TTC7A: variants seen among roughly 807,000 people sequenced by gnomAD.
TTC7A encodes tetratricopeptide repeat protein 7A.
A neutral mutation model predicts 103.7 loss-of-function variants in TTC7A; 110 were observed. The observed-to-expected ratio is 1.06, with a 90% CI of 0.91 to 1.24. The LOEUF is 1.24. Ranked by LOEUF, TTC7A falls within the 50% of genes most tolerant of loss-of-function variation. The probability of loss-of-function intolerance (pLI) is 0.00; values close to 1 mark genes in which losing one functional copy is unlikely to be tolerated. For synonymous variants in TTC7A, 521 were observed against 467.9 expected (o/e 1.11, Z -1.47); for missense variants, 1,340 against 1,116.3 (o/e 1.20, Z -2.86).
intron 2 of TTC7A, among the ~76,000 whole-genome samples, chr2:46,930,789 C>T (rs932520038): frequency 6.6e-6 from 1 of 152,030 alleles, no homozygotes; most frequent in African/African-American, 2.4e-5. Flanking sequence ...CGTGAGCCAC[C>T]GCACCCAGCC....
chr2:47,011,499 T>A, intron 11 of TTC7A, 64 bp downstream of exon 11: 1 of 1,335,632 alleles, frequency 7.5e-7, no homozygotes, highest in South Asian at 1.3e-5. Flanking sequence ...CAGCTGGCTG[T>A]GCACGTCTTG....
chr2:47,057,115 T>A (rs1683387807), intron 18 of TTC7A, among the ~76,000 whole-genome samples: 2 of 152,218 alleles, frequency 1.3e-5, no homozygotes, highest in African/African-American at 2.4e-5. Flanking sequence ...TAGCAAAGCG[T>A]CGAGCAGGAG....
intron 15 of TTC7A, among the ~76,000 whole-genome samples, chr2:47,043,133 T>C (rs1681943797): frequency 6.6e-6 from 1 of 152,242 alleles, no homozygotes; most frequent in South Asian, 2.1e-4. Flanking sequence ...CAGCTACCCG[T>C]TGCAGTGGAC....
chr2:47,038,122 G>C (rs182305963), intron 15 of TTC7A, among the ~76,000 whole-genome samples: 2 of 152,226 alleles, frequency 1.3e-5, no homozygotes, highest in East Asian at 3.9e-4. Flanking sequence ...AGCCAGGCGT[G>C]GTGGCGCATG....
intron 19 of TTC7A, chr2:47,068,084 G>A (rs1019105747): frequency 7.9e-5 from 12 of 152,394 alleles, no homozygotes; most frequent in African/African-American, 2.9e-4. Flanking sequence ...GAGATACCTT[G>A]GGTAATCTGT....
At chr2:47,026,516 G>A (rs1282474369) in intron 14 of TTC7A, among the ~76,000 whole-genome samples, 1 of 152,226 alleles carries the variant, frequency 6.6e-6, no homozygotes, top group Non-Finnish European at 1.5e-5. Context: ...AAGGGTGGAA[G>A]GCTGGGTCTG....
intron 19 of TTC7A, among the ~76,000 whole-genome samples, chr2:47,062,572 G>A (rs1191821387): frequency 6.6e-6 from 1 of 152,194 alleles, no homozygotes; most frequent in Non-Finnish European, 1.5e-5. Flanking sequence ...GGGAGGGAGG[G>A]TGTGGGCTAT....
intron 10 of TTC7A, among the ~76,000 whole-genome samples, chr2:47,010,331 C>T (rs1677906319): frequency 6.6e-6 from 1 of 152,166 alleles, no homozygotes; most frequent in Non-Finnish European, 1.5e-5. Flanking sequence ...TCCAGTAAAA[C>T]TTTATTTACA....
At chr2:47,021,301 G>A (rs747454882) in intron 11 of TTC7A, among the ~76,000 whole-genome samples, 2 of 152,312 alleles carry the variant, frequency 1.3e-5, no homozygotes, top group Non-Finnish European at 2.9e-5. Flanking sequence ...CACCTTGTGC[G>A]TGCCCCTCTC....
intron 19 of TTC7A, among the ~76,000 whole-genome samples, chr2:47,069,513 A>G (rs1245721149): frequency 6.6e-6 from 1 of 151,838 alleles, no homozygotes. Context: ...GGGTGAACAC[A>G]TCCCACCCCA....
intron 3 of TTC7A, among the ~76,000 whole-genome samples, chr2:46,964,077 T>C (rs1672619629): frequency 6.6e-6 from 1 of 152,212 alleles, no homozygotes; most frequent in Non-Finnish European, 1.5e-5. Flanking sequence ...ACACCAGTAG[T>C]TGCAGGGTCA....
At chr2:47,016,558 C>G (rs1372439649) in intron 11 of TTC7A, among the ~76,000 whole-genome samples, 1 of 152,168 alleles carries the variant, frequency 6.6e-6, no homozygotes, top group African/African-American at 2.4e-5. Flanking sequence ...CATGGCTGCC[C>G]TAGATAAACA....
chr2:46,957,553 C>A (rs1173569496), intron 3 of TTC7A, among the ~76,000 whole-genome samples: 1 of 152,196 alleles, frequency 6.6e-6, no homozygotes, highest in African/African-American at 2.4e-5. Context: ...CAGGTCAGAA[C>A]CAGTTCCTGG....
upstream of TTC7A, among the ~76,000 whole-genome samples, chr2:46,937,912 G>GA (rs1670061399): frequency 6.6e-6 from 1 of 152,118 alleles, no homozygotes; most frequent in African/African-American, 2.4e-5. The surrounding 1 kb of genome is among the most constrained non-coding windows in gnomAD (Gnocchi z 4.0). Flanking sequence ...ATGGACTGAA[G>GA]AAAACTACTG....
intron 12 of TTC7A, 134 bp from the exon 13 acceptor site, chr2:47,023,274 G>T: frequency 2.3e-6 from 2 of 859,654 alleles, no homozygotes; most frequent in Non-Finnish European, 3.7e-6. Flanking sequence ...CAGGCTGCTG[G>T]AGTTTGAAGT....
intron 12 of TTC7A, 128 bp downstream of exon 12, chr2:47,022,107 TG>T: frequency 1.6e-6 from 1 of 631,070 alleles, no homozygotes; most frequent in East Asian, 2.7e-5. Context: ...TGCACTCCTC[TG>T]GGAGAGATGC....
exon 2 of TTC7A, chr2:46,917,209 C>T (rs1200721572): frequency 8.6e-6 from 6 of 700,462 alleles, no homozygotes; most frequent in East Asian, 2.7e-5. Context: ...GTGCCCAGCT[C>T]GTCTCGAACT....
intron 3 of TTC7A, among the ~76,000 whole-genome samples, chr2:46,964,718 T>C (rs1261724440): frequency 2.0e-5 from 3 of 152,174 alleles, no homozygotes; most frequent in Non-Finnish European, 4.4e-5. Context: ...GGGCCTGCTC[T>C]TTGGACATCT....
At chr2:47,058,468 G>A (rs1183337807) in intron 18 of TTC7A, among the ~76,000 whole-genome samples, 2 of 152,242 alleles carry the variant, frequency 1.3e-5, no homozygotes, top group East Asian at 1.9e-4. Context: ...AAGAGGGAAT[G>A]TCTGGGCCTG....
Sources: gnomAD v4.1 joint callset for allele counts (sites outside exome capture counted in the v4.1 genomes callset) on GRCh38, gnomAD v4.1.1 for gene constraint, Gnocchi (gnomAD v3.1) non-coding constraint, MANE v1.5 for transcripts, NCBI Gene and HGNC (gene_info 2026-07-23, HGNC 2026-07-21) for gene names.